The following NTM variants were observed in gnomAD, a reference collection of about 807,000 sequenced individuals.
NTM encodes the protein neurotrimin, also known as IgLON family member 2.
In NTM, 13 loss-of-function variants were observed where a neutral mutation model predicts 42.1. That is an observed-to-expected ratio of 0.31 (90% CI 0.20 to 0.49). The LOEUF (loss-of-function observed/expected upper bound fraction) is 0.49, where lower values mean the gene tolerates loss of function less well. NTM is among the 20% of genes least tolerant of loss of function. The pLI, the probability that NTM is intolerant of heterozygous loss-of-function variation, is 0.99. For synonymous variants in NTM, 187 were observed against 179.2 expected (o/e 1.04, Z -0.35); for missense variants, 373 against 452.8 (o/e 0.82, Z 1.60).
intron 2 of NTM, among the ~76,000 whole-genome samples, chr11:132,004,634 T>TCACACA (rs1555214611): frequency 3.8e-5 from 4 of 104,536 alleles, no homozygotes; most frequent in African/African-American, 1.3e-4. Context: ...TCTCTCTCTC[T>TCACACA]CACACACACA....
intron 2 of NTM, among the ~76,000 whole-genome samples, chr11:132,051,936 G>A (rs907637743): frequency 6.6e-6 from 1 of 152,206 alleles, no homozygotes; most frequent in Non-Finnish European, 1.5e-5. Context: ...AGACTGACCA[G>A]TGAGCTCACT....
intron 1 of NTM, among the ~76,000 whole-genome samples, chr11:131,513,857 C>T (rs1008144094): frequency 3.3e-5 from 5 of 152,054 alleles, no homozygotes; most frequent in Admixed American, 1.3e-4. Context: ...TAAGTTTTAT[C>T]TTAATTATGT....
chr11:131,821,755 C>A (rs1388162163), intron 1 of NTM, among the ~76,000 whole-genome samples: 5 of 152,186 alleles, frequency 3.3e-5, no homozygotes, highest in African/African-American at 1.2e-4. Context: ...CCCCCACTGA[C>A]TCTCTTTGTT....
chr11:131,633,766 C>CCT (rs1238243158), intron 1 of NTM, among the ~76,000 whole-genome samples: 3,375 of 39,630 alleles, frequency 0.085, 302 homozygotes, highest in African/African-American at 0.21. Flanking sequence ...CCTCTCTCTC[C>CCT]CTCTCTCTCT....
At chr11:131,628,517 G>T (rs1030470954) in intron 1 of NTM, among the ~76,000 whole-genome samples, 3 of 152,178 alleles carry the variant, frequency 2.0e-5, no homozygotes, top group Non-Finnish European at 4.4e-5. Flanking sequence ...GCATGTGTGT[G>T]TGCACGCCAG....
At chr11:132,062,359 G>A (rs1208218829) in intron 2 of NTM, among the ~76,000 whole-genome samples, 4 of 152,142 alleles carry the variant, frequency 2.6e-5, no homozygotes, top group Admixed American at 2.0e-4. Context: ...GTTTCAGACA[G>A]CAAAGTGAAA....
At chr11:131,601,101 T>C (rs1424090767) in intron 1 of NTM, among the ~76,000 whole-genome samples, 6 of 152,066 alleles carry the variant, frequency 3.9e-5, no homozygotes, top group African/African-American at 1.2e-4. Flanking sequence ...CTCCTATAAG[T>C]TGGGTAAGGG....
intron 3 of NTM, among the ~76,000 whole-genome samples, chr11:132,209,772 T>G (rs2082548437): frequency 6.6e-6 from 1 of 152,034 alleles, no homozygotes; most frequent in South Asian, 2.1e-4. Context: ...TAGATGTGGA[T>G]AGGCACAGAG....
chr11:131,766,605 T>C (rs766283745), intron 1 of NTM, among the ~76,000 whole-genome samples: 12 of 152,148 alleles, frequency 7.9e-5, no homozygotes, highest in Non-Finnish European at 8.8e-5. Context: ...ATCTTTCATT[T>C]GTACAATTAT....
intron 1 of NTM, among the ~76,000 whole-genome samples, chr11:131,542,076 A>G (rs2053343479): frequency 6.6e-6 from 1 of 152,222 alleles, no homozygotes; most frequent in Non-Finnish European, 1.5e-5. Context: ...AGAGAGATCA[A>G]CAGAGCATAA....
intron 2 of NTM, among the ~76,000 whole-genome samples, chr11:132,141,695 T>A (rs1402595597): frequency 2.6e-5 from 4 of 152,178 alleles, no homozygotes; most frequent in Admixed American, 2.0e-4. Context: ...AGAAGACACT[T>A]ATCCAAAAAA....
At chr11:131,387,367 C>T (rs903024271) in intron 1 of NTM, among the ~76,000 whole-genome samples, 4 of 152,228 alleles carry the variant, frequency 2.6e-5, no homozygotes, top group Middle Eastern at 3.4e-3. Context: ...TCTGCTCCAT[C>T]GCCCCACCAA....
chr11:131,751,695 G>A (rs1363386929), intron 1 of NTM, among the ~76,000 whole-genome samples: 1 of 152,098 alleles, frequency 6.6e-6, no homozygotes, highest in Admixed American at 6.5e-5. Context: ...GGGAGGCAGA[G>A]GTTGCAGTGA....
intron 3 of NTM, among the ~76,000 whole-genome samples, chr11:132,154,442 A>G (rs1386528198): frequency 3.3e-5 from 5 of 152,208 alleles, no homozygotes; most frequent in African/African-American, 4.8e-5. Context: ...TTTTCTACCA[A>G]TACGTCAATT....
At chr11:132,165,069 C>G (rs1454623929) in intron 3 of NTM, among the ~76,000 whole-genome samples, 1 of 152,146 alleles carries the variant, frequency 6.6e-6, no homozygotes, top group Admixed American at 6.5e-5. Flanking sequence ...CCACCCAGGC[C>G]TGGGGCTTTA....
intron 1 of NTM, among the ~76,000 whole-genome samples, chr11:131,713,296 G>T (rs969266832): frequency 6.6e-6 from 1 of 152,146 alleles, no homozygotes; most frequent in East Asian, 1.9e-4. Flanking sequence ...ATCTGGTGAG[G>T]TACAAAAGGG....
intron 1 of NTM, among the ~76,000 whole-genome samples, chr11:131,507,075 A>T (rs996746059): frequency 6.6e-6 from 1 of 152,266 alleles, no homozygotes; most frequent in Non-Finnish European, 1.5e-5. Context: ...ACAACCTCTC[A>T]TTTTGATCAC....
At chr11:131,927,075 C>T (rs1317355325) in intron 2 of NTM, among the ~76,000 whole-genome samples, 1 of 152,078 alleles carries the variant, frequency 6.6e-6, no homozygotes. Flanking sequence ...TGGATTAGGC[C>T]TAATGAGCTG....
chr11:131,789,370 A>T (rs1250123473), intron 1 of NTM, among the ~76,000 whole-genome samples: 5 of 145,898 alleles, frequency 3.4e-5, no homozygotes, highest in Non-Finnish European at 7.4e-5. Flanking sequence ...ATAATAATAA[A>T]GAAGAAGATT....
Sources: allele counts gnomAD v4.1 joint callset (sites outside exome capture counted in the v4.1 genomes callset), GRCh38; gene constraint gnomAD v4.1.1; transcripts MANE v1.5; gene names NCBI Gene and HGNC (gene_info 2026-07-23, HGNC 2026-07-21).